The following GPC5 variants were observed in gnomAD, a reference collection of about 807,000 sequenced individuals.
GPC5 encodes glypican-5.
GPC5 carries 47 observed loss-of-function variants against 53.9 expected under a neutral mutation model. The observed-to-expected ratio is 0.87, with a 90% confidence interval of 0.69 to 1.11. The LOEUF (loss-of-function observed/expected upper bound fraction) is 1.11, where lower values mean the gene tolerates loss of function less well. Ranked by LOEUF, GPC5 falls within the 50% of genes most tolerant of loss-of-function variation. The pLI, the probability that GPC5 is intolerant of heterozygous loss-of-function variation, is 0.00. For missense variants in GPC5, 748 were observed against 713.1 expected, an observed-to-expected ratio of 1.05 and a Z score of -0.56; for synonymous variants, 286 against 263.3, an observed-to-expected ratio of 1.09 and a Z score of -0.84.
intron 7 of GPC5, among the ~76,000 whole-genome samples, chr13:92,587,450 G>T (rs4444192): frequency 0.98 from 149,170 of 152,240 alleles, 73,167 homozygotes; most frequent in East Asian, 1. Flanking sequence ...AACCTTAATC[G>T]TCTGTCTCCA....
Position 92,378,288 on chromosome 13 carries a change from A to G in GPC5, c.1561+233299A>G, listed in dbSNP as rs150700341. Among the ~76,000 whole-genome samples the G allele has an allele frequency of 2.2e-3, 337 of 152,302 alleles. 2 individuals carry two copies. The highest frequency in any genetic ancestry group is 3.7e-3 in the South Asian group (18 of 4,832). On this transcript the variant is annotated intron_variant, in intron 7 of 7. Transcript: ENST00000377067. ...AGGGGTAGGGATTAAGAACCAACTA[A>G]AACATATTAAGAATGACAATGAGAC... is the stretch of plus-strand genomic sequence containing the variant.
intron 7 of GPC5, among the ~76,000 whole-genome samples, chr13:92,833,927 A>T (rs1009805267): frequency 6.6e-6 from 1 of 152,200 alleles, no homozygotes; most frequent in Admixed American, 6.5e-5. Flanking sequence ...ACATAAGAAG[A>T]AGTTTGGATT....
chr13:92,419,294 T>C (rs1199652005), intron 7 of GPC5, among the ~76,000 whole-genome samples: 1 of 152,118 alleles, frequency 6.6e-6, no homozygotes, highest in African/African-American at 2.4e-5. Context: ...TTTTTCCAGC[T>C]GAGAAACTTT....
chr13:92,382,358 T>A (rs931061020), intron 7 of GPC5, among the ~76,000 whole-genome samples: 1 of 151,938 alleles, frequency 6.6e-6, no homozygotes, highest in South Asian at 2.1e-4. Flanking sequence ...CCCCAATAAC[T>A]TATGGAAAAA....
chr13:91,993,673 A>AT (rs368841033), intron 6 of GPC5, among the ~76,000 whole-genome samples: 16 of 152,110 alleles, frequency 1.1e-4, no homozygotes, highest in African/African-American at 3.6e-4. Context: ...CACAATGAAC[A>AT]TTTTTTTCAT....
intron 6 of GPC5, among the ~76,000 whole-genome samples, chr13:91,915,437 T>G (rs1038880378): frequency 1.4e-4 from 21 of 152,146 alleles, no homozygotes; most frequent in African/African-American, 4.8e-4. Flanking sequence ...TTTTTTAAAG[T>G]AATGGGATTG....
chr13:92,554,520 A>G (rs1050242371), intron 7 of GPC5, among the ~76,000 whole-genome samples: 2 of 151,674 alleles, frequency 1.3e-5, no homozygotes, highest in African/African-American at 2.4e-5. Flanking sequence ...TAATAATCCA[A>G]TATAATTAAA....
rs139133772 is a variant in GPC5 at position 91,625,133 on chromosome 13, C to T, written c.326-68054C>T. ...CAAAGAAAAAAGGGAGGGAACAACC[C>T]TACACATGCTAAGGAATGAGAAAGG... On this transcript the variant is annotated intron_variant, in intron 2 of 7. Coordinates refer to ENST00000377067, the MANE Select transcript of GPC5 (RefSeq NM_004466.6). Among the ~76,000 whole-genome samples the T allele has an allele frequency of 2.8e-4, 43 of 151,580 alleles. No homozygotes were observed. In the East Asian group the frequency reaches 8.0e-3, roughly 28 times the overall value.
intron 5 of GPC5, among the ~76,000 whole-genome samples, chr13:91,894,150 C>G (rs141675399): frequency 6.6e-6 from 1 of 152,262 alleles, no homozygotes; most frequent in Non-Finnish European, 1.5e-5. Context: ...AATTGTCAGA[C>G]AAATGTAAAT....
At chr13:91,747,664 A>G (rs536574268) in intron 4 of GPC5, among the ~76,000 whole-genome samples, 6 of 151,636 alleles carry the variant, frequency 4.0e-5, no homozygotes, top group Non-Finnish European at 1.5e-5. Context: ...TAATCTAACA[A>G]TCTACTAATG....
At chr13:91,791,855 A>C (rs1020097961) in intron 5 of GPC5, among the ~76,000 whole-genome samples, 6 of 152,234 alleles carry the variant, frequency 3.9e-5, no homozygotes, top group Non-Finnish European at 8.8e-5. Flanking sequence ...ATCTTAAAAT[A>C]GGGTGATATA....
chr13:92,437,621 T>C (rs1877363806), intron 7 of GPC5, among the ~76,000 whole-genome samples: 1 of 152,144 alleles, frequency 6.6e-6, no homozygotes, highest in Admixed American at 6.6e-5. Context: ...TGCTATATTA[T>C]TTTTCTATTA....
rs140065039 is a variant in GPC5 at position 92,098,735 on chromosome 13, C to G, written c.1402-46095C>G. Among the ~76,000 whole-genome samples, 46 of 152,098 alleles carry G rather than the reference C, an allele frequency of 3.0e-4. 1 individual carries two copies. The highest frequency in any genetic ancestry group is 7.4e-5 in the Non-Finnish European group (5 of 68,020). Reference sequence around the variant, plus strand: ...GTCTATCTTATCCAGGTGAGTCCAACGTAATCACAAGGGTCTTTAAAAGTA... The same window carrying G: ...GTCTATCTTATCCAGGTGAGTCCAAGGTAATCACAAGGGTCTTTAAAAGTA... On this transcript the variant is annotated intron_variant, in intron 6 of 7. Coordinates refer to ENST00000377067, the MANE Select transcript of GPC5 (RefSeq NM_004466.6).
chr13:92,314,602 T>C (rs745907576), intron 7 of GPC5, among the ~76,000 whole-genome samples: 1 of 152,228 alleles, frequency 6.6e-6, no homozygotes, highest in Non-Finnish European at 1.5e-5. Context: ...TCCAGTCATG[T>C]TGTGGGACAG....
At chr13:92,859,097 A>T (rs9589641) in intron 7 of GPC5, among the ~76,000 whole-genome samples, 7,027 of 152,084 alleles carry the variant, frequency 0.046, 503 homozygotes, top group African/African-American at 0.16. Context: ...TTTTTAAAAA[A>T]AATTATCAAG....
intron 6 of GPC5, among the ~76,000 whole-genome samples, chr13:91,958,119 T>C (rs1393927079): frequency 6.6e-6 from 1 of 151,172 alleles, no homozygotes; most frequent in African/African-American, 2.4e-5. Context: ...GATTCAACCA[T>C]ATACTGCCTA....
At chr13:92,175,258 C>T (rs897312651) in intron 7 of GPC5, among the ~76,000 whole-genome samples, 1 of 151,922 alleles carries the variant, frequency 6.6e-6, no homozygotes, top group African/African-American at 2.4e-5. Context: ...TAATGGTGAC[C>T]CTGTATGTTT....
intron 6 of GPC5, among the ~76,000 whole-genome samples, chr13:92,015,533 T>G (rs2040699110): frequency 6.6e-6 from 1 of 152,234 alleles, no homozygotes; most frequent in African/African-American, 2.4e-5. Flanking sequence ...TACATTTTTA[T>G]CTACACTACC....
At chr13:91,648,362 T>TA (rs1488292687) in intron 2 of GPC5, among the ~76,000 whole-genome samples, 11 of 152,126 alleles carry the variant, frequency 7.2e-5, no homozygotes, top group African/African-American at 2.7e-4. Context: ...AGACAGGTTT[T>TA]TTTTTTCCTG....
Sources: gnomAD v4.1 joint callset for allele counts (sites outside exome capture counted in the v4.1 genomes callset) on GRCh38, gnomAD v4.1.1 for gene constraint, MANE v1.5 for transcripts, NCBI Gene and HGNC (gene_info 2026-07-23, HGNC 2026-07-21) for gene names.